DST: variants seen among roughly 807,000 people sequenced by gnomAD.
The protein encoded by DST is dystonin, also known as bullous pemphigoid antigen.
In DST, 253 loss-of-function variants were observed where a neutral mutation model predicts 875.2. That is an observed-to-expected ratio of 0.29 (90% confidence interval 0.26 to 0.32). The LOEUF (loss-of-function observed/expected upper bound fraction) is 0.32, where lower values mean the gene tolerates loss of function less well. Among genes scored for constraint, DST ranks in the 10% least tolerant of loss-of-function variants. The pLI, the probability that DST is intolerant of heterozygous loss-of-function variation, is 1.00. For synonymous variants in DST, 3,124 were observed against 3,197.1 expected (o/e 0.98, Z 0.77); for missense variants, 8,287 against 9,111.6 (o/e 0.91, Z 3.68).
chr6:56,648,473 A>G (rs537573005), intron 13 of DST, 97 bp downstream of exon 13: 1 of 1,260,234 alleles, frequency 7.9e-7, no homozygotes, highest in Admixed American at 3.0e-5. Context: ...TTCCAAGGGC[A>G]ACTTTTGTTG....
intron 90 of DST, 42 bp downstream of exon 90, chr6:56,482,008 A>T: frequency 6.3e-7 from 1 of 1,591,080 alleles, no homozygotes; most frequent in Non-Finnish European, 8.6e-7. Flanking sequence ...CCCTGCTTTG[A>T]TTTTCTAATT....
At chr6:56,735,135 A>T in intron 5 of DST, 93 bp downstream of exon 5, 1 of 842,162 alleles carries the variant, frequency 1.2e-6, no homozygotes, top group Non-Finnish European at 1.9e-6. Flanking sequence ...GATGATTTTC[A>T]AAAGTTGTGC....
At chr6:56,716,194 T>A (rs775736471) in intron 5 of DST, among the ~76,000 whole-genome samples, 3 of 152,008 alleles carry the variant, frequency 2.0e-5, no homozygotes, top group African/African-American at 4.8e-5. Flanking sequence ...CAAAACACTT[T>A]CAATAAAAAT....
intron 3 of DST, among the ~76,000 whole-genome samples, chr6:56,867,584 G>T (rs1397603428): frequency 6.6e-6 from 1 of 152,206 alleles, no homozygotes; most frequent in Non-Finnish European, 1.5e-5. Flanking sequence ...CACTTTGGGA[G>T]GCCAAGGTGG....
intron 38 of DST, among the ~76,000 whole-genome samples, chr6:56,611,170 A>C (rs951005363): frequency 6.6e-6 from 1 of 152,124 alleles, no homozygotes; most frequent in Non-Finnish European, 1.5e-5. Context: ...ATATTTATAC[A>C]TATTTTCCAA....
At chr6:56,725,695 C>A (rs1196499699) in intron 5 of DST, among the ~76,000 whole-genome samples, 1 of 152,154 alleles carries the variant, frequency 6.6e-6, no homozygotes, top group Non-Finnish European at 1.5e-5. Context: ...ATAGTATATG[C>A]ATTAAATAAG....
Position 56,704,379 on chromosome 6 carries a change from G to C in DST, c.688-10C>G, listed in dbSNP as rs773698330. 3.7e-5 allele frequency: 53 copies of C among 1,450,360 alleles called. No individual in the cohort carries two copies. The Middle Eastern group carries it at 5.2e-4, about 14-fold the overall frequency. The allele number at this position is 1,450,360 out of a possible 1,614,324, so 89.8% of individuals were successfully genotyped here. A position where few individuals can be genotyped will look rare whatever the true frequency, so the allele number is the denominator to read the frequency against. ...TCACATGTTTTCGAACCTATAAAGA[G>C]AAAAGCAAAATTTGGGGTCCTAGAA... On this transcript the variant is annotated splice_polypyrimidine_tract_variant and intron_variant, in intron 5 of 103. Transcript: ENST00000680361.
chr6:56,572,048 C>G, intron 53 of DST, 52 bp downstream of exon 53: 2 of 1,059,754 alleles, frequency 1.9e-6, no homozygotes, highest in Non-Finnish European at 2.6e-6. Context: ...ACAAGTATCT[C>G]ACTCTAATTA....
Position 56,527,769 on chromosome 6 carries a change from G to GA in DST, c.17681-36dup, listed in dbSNP as rs749029632. 82 of 1,546,384 alleles carry GA rather than the reference G, an allele frequency of 5.3e-5. No homozygotes were observed. In the African/African-American group the frequency reaches 6.3e-4, roughly 12 times the overall value. Reference sequence around the variant, plus strand: ...CAAAGTCACGTTATTTCTTATGAAGGAAAAAAAAGGCAGGGAGAGGGTTTC... The same window carrying GA: ...CAAAGTCACGTTATTTCTTATGAAGGAAAAAAAAAGGCAGGGAGAGGGTTTC... On this transcript the variant is annotated intron_variant, in intron 67 of 103. Coordinates refer to ENST00000680361, the MANE Select transcript of DST (RefSeq NM_001374736.1).
At chr6:56,503,841 T>C (rs1426923329) in intron 78 of DST, among the ~76,000 whole-genome samples, 156 bp downstream of exon 78, 2 of 152,204 alleles carry the variant, frequency 1.3e-5, no homozygotes, top group Non-Finnish European at 2.9e-5. Flanking sequence ...AACACTTATA[T>C]ATTGCTTAGC....
intron 63 of DST, among the ~76,000 whole-genome samples, chr6:56,534,216 T>A (rs1046497038): frequency 7.2e-5 from 11 of 152,160 alleles, no homozygotes; most frequent in Admixed American, 5.2e-4. Context: ...TAATGTAAAA[T>A]TTTAAAAAAT....
intron 85 of DST, 114 bp from the exon 86 acceptor site, chr6:56,489,723 T>A: frequency 9.5e-7 from 1 of 1,050,594 alleles, no homozygotes; most frequent in Non-Finnish European, 1.3e-6. Flanking sequence ...AATTATTATT[T>A]CAAAATTTCC....
chr6:56,464,642 G>A (rs1231278385), intron 100 of DST, 43 bp downstream of exon 100: 1 of 1,358,624 alleles, frequency 7.4e-7, no homozygotes, highest in African/African-American at 1.4e-5. Context: ...AAGTAGGAAA[G>A]AGAAAAGGAA....
At chr6:56,709,230 T>G (rs370585613) in intron 5 of DST, among the ~76,000 whole-genome samples, 1 of 152,114 alleles carries the variant, frequency 6.6e-6, no homozygotes, top group African/African-American at 2.4e-5. Context: ...TAAAAGAATA[T>G]CCCAAGAAAG....
chr6:56,512,424 T>C (rs554984768), intron 72 of DST, among the ~76,000 whole-genome samples: 1 of 152,330 alleles, frequency 6.6e-6, no homozygotes, highest in South Asian at 2.1e-4. Flanking sequence ...CTGCCTTTGC[T>C]TGCAGGTTTT....
At chr6:56,845,017 G>A (rs1383759134) in intron 4 of DST, among the ~76,000 whole-genome samples, 1 of 152,174 alleles carries the variant, frequency 6.6e-6, no homozygotes, top group African/African-American at 2.4e-5. Context: ...AAGTTGTATA[G>A]TAAATGAAGT....
chr6:56,648,916 T>A (rs1014102864), intron 12 of DST, among the ~76,000 whole-genome samples: 2 of 152,192 alleles, frequency 1.3e-5, no homozygotes, highest in Non-Finnish European at 2.9e-5. Flanking sequence ...GAGTGCCAAT[T>A]CTGATCCAAA....
intron 4 of DST, among the ~76,000 whole-genome samples, chr6:56,765,671 T>C (rs1241992770): frequency 6.6e-6 from 1 of 152,148 alleles, no homozygotes; most frequent in Non-Finnish European, 1.5e-5. Context: ...AAGTATGAGT[T>C]ATGAGATATA....
At chr6:56,602,328 A>T (rs9382655) in intron 43 of DST, among the ~76,000 whole-genome samples, 54,681 of 151,706 alleles carry the variant, frequency 0.36, 10,158 homozygotes, top group Admixed American at 0.42. Flanking sequence ...GATACACAAA[A>T]ACCACTGTGT....
Sources: allele counts gnomAD v4.1 joint callset (sites outside exome capture counted in the v4.1 genomes callset), GRCh38; gene constraint gnomAD v4.1.1; transcripts MANE v1.5; gene names NCBI Gene and HGNC (gene_info 2026-07-23, HGNC 2026-07-21).